The following TTC39A variants were observed in gnomAD, a reference collection of about 807,000 sequenced individuals.
TTC39A encodes tetratricopeptide repeat domain 39A, also known as tetratricopeptide repeat protein 39A.
Under a neutral mutation model 82.3 loss-of-function variants are expected in TTC39A, and 46 were observed. That is an observed-to-expected ratio of 0.56 (90% confidence interval 0.44 to 0.71). TTC39A has a LOEUF of 0.71. TTC39A is among the 30% of genes least tolerant of loss of function. TTC39A has a pLI of 0.00. For synonymous variants in TTC39A, 254 were observed against 275.2 expected, an observed-to-expected ratio of 0.92 and a Z score of 0.76; for missense variants, 543 against 712.9, an observed-to-expected ratio of 0.76 and a Z score of 2.71.
At chr1:51,295,326 T>A (rs1028768483) in intron 13 of TTC39A, among the ~76,000 whole-genome samples, 4 of 152,182 alleles carry the variant, frequency 2.6e-5, no homozygotes, top group African/African-American at 9.7e-5. Context: ...CCTATTATTG[T>A]GACAACAGTA....
intron 11 of TTC39A, 27 bp from the exon 12 acceptor site, chr1:51,301,760 C>A (rs41287292): frequency 1.9e-6 from 3 of 1,591,230 alleles, no homozygotes; most frequent in Non-Finnish European, 2.6e-6. Flanking sequence ...GTCAGCCTGA[C>A]GGGTGCCCAC....
At chr1:51,291,998 G>A (rs1557696237) in intron 14 of TTC39A, among the ~76,000 whole-genome samples, 1 of 152,056 alleles carries the variant, frequency 6.6e-6, no homozygotes, top group Non-Finnish European at 1.5e-5. Context: ...TTCAACACCA[G>A]CTTGGGCAAC....
At chr1:51,303,040 G>A (rs1399350048) in intron 9 of TTC39A, 44 bp downstream of exon 9, 2 of 1,522,462 alleles carry the variant, frequency 1.3e-6, no homozygotes, top group Admixed American at 2.0e-5. Flanking sequence ...TTCCCCCTTG[G>A]AGACGACCAA....
chr1:51,301,881 G>A, intron 11 of TTC39A, 148 bp from the exon 12 acceptor site: 1 of 1,146,954 alleles, frequency 8.7e-7, no homozygotes, highest in Non-Finnish European at 1.2e-6. Flanking sequence ...GGCCCCAGGA[G>A]CCAGGAGATC....
At chr1:51,311,154 T>C (rs1407195917) in intron 5 of TTC39A, 100 bp downstream of exon 5, 6 of 1,144,366 alleles carry the variant, frequency 5.2e-6, no homozygotes, top group Non-Finnish European at 6.2e-6. Context: ...GTGGTTGCTA[T>C]GGGGGATGGG....
chr1:51,309,969 A>G (rs1645022490), intron 5 of TTC39A, among the ~76,000 whole-genome samples: 1 of 152,148 alleles, frequency 6.6e-6, no homozygotes. Context: ...ATATCACAAT[A>G]TGCTGTTCAG....
At chr1:51,337,972 A>G (rs1464408902) in intron 1 of TTC39A, among the ~76,000 whole-genome samples, 2 of 152,162 alleles carry the variant, frequency 1.3e-5, no homozygotes, top group African/African-American at 4.8e-5. Context: ...CTGAGACTCT[A>G]GGGACATGTG....
chr1:51,292,504 C>T (rs1162311379), intron 14 of TTC39A, among the ~76,000 whole-genome samples: 1 of 152,162 alleles, frequency 6.6e-6, no homozygotes, highest in Non-Finnish European at 1.5e-5. Context: ...TATCACAGCT[C>T]ACTGTAGCCT....
upstream of TTC39A, among the ~76,000 whole-genome samples, chr1:51,332,512 T>C (rs537008630): frequency 6.6e-6 from 1 of 152,236 alleles, no homozygotes; most frequent in Non-Finnish European, 1.5e-5. Flanking sequence ...CCGCCTACCT[T>C]GGCCTCCCAC....
intron 2 of TTC39A, among the ~76,000 whole-genome samples, chr1:51,314,025 T>TA (rs1645191588): frequency 1.3e-5 from 2 of 152,182 alleles, no homozygotes. Context: ...CCCCATACTG[T>TA]GGGCACCTCG....
intron 12 of TTC39A, 71 bp downstream of exon 12, chr1:51,301,501 T>A: frequency 6.7e-7 from 1 of 1,501,490 alleles, no homozygotes; most frequent in Non-Finnish European, 9.0e-7. Flanking sequence ...AGTTAGGGAT[T>A]TGGCCCGTGG....
chr1:51,313,003 CT>C (rs1197960926), intron 2 of TTC39A, 60 bp from the exon 3 acceptor site: 1 of 1,575,064 alleles, frequency 6.3e-7, no homozygotes. Context: ...GCAGCTGGTC[CT>C]GGGCAGCTCA....
At chr1:51,291,664 G>A (rs976582424) in intron 14 of TTC39A, among the ~76,000 whole-genome samples, 5 of 147,628 alleles carry the variant, frequency 3.4e-5, no homozygotes, top group Non-Finnish European at 5.9e-5. Context: ...AAATTAGCCA[G>A]GCATGGTGGT....
At chr1:51,328,792 T>C (rs1184794569) in intron 1 of TTC39A, among the ~76,000 whole-genome samples, 1 of 152,230 alleles carries the variant, frequency 6.6e-6, no homozygotes, top group Admixed American at 6.5e-5. Context: ...AAATATTTCA[T>C]AATTTTTAAA....
Position 51,294,245 on chromosome 1 carries a change from G to T in TTC39A, c.1266+146C>A. 1 of 1,333,318 alleles carries T rather than the reference G, an allele frequency of 7.5e-7. No homozygotes were observed. Among genetic ancestry groups the T allele is most frequent in the Non-Finnish European group, 1.0e-6 (1 of 988,982 alleles). 82.6% of individuals were successfully genotyped at this position (1,333,318 alleles called of 1,614,324 possible). ...TCTCTAAGGGGCAGGGGCTGGGCCA[G>T]ACTCCCAGGTGAATTGTGAAACCCT... On this transcript the variant is annotated intron_variant, in intron 14 of 17. Coordinates refer to ENST00000680483, the MANE Select transcript of TTC39A (RefSeq NM_001297663.2). The surrounding 1 kb of genome is among the most constrained non-coding windows in gnomAD (Gnocchi z 4.3).
At chr1:51,308,053 C>T (rs1569873685) in intron 6 of TTC39A, among the ~76,000 whole-genome samples, 1 of 152,262 alleles carries the variant, frequency 6.6e-6, no homozygotes, top group East Asian at 1.9e-4. Flanking sequence ...TATCTGCCTT[C>T]TCTGTGGTGC....
chr1:51,341,176 C>T (rs370253759), intron 1 of TTC39A, among the ~76,000 whole-genome samples: 8 of 139,158 alleles, frequency 5.7e-5, no homozygotes, highest in African/African-American at 1.7e-4. Flanking sequence ...AAAAATAAAC[C>T]GCCCCCCCAC....
At chr1:51,337,367 C>G (rs1005949796) in intron 1 of TTC39A, among the ~76,000 whole-genome samples, 1 of 151,910 alleles carries the variant, frequency 6.6e-6, no homozygotes, top group Admixed American at 6.6e-5. Context: ...TCACCTTCTT[C>G]GGGTCTCAGC....
chr1:51,310,206 C>T (rs1027946324), intron 5 of TTC39A, among the ~76,000 whole-genome samples: 4 of 152,094 alleles, frequency 2.6e-5, no homozygotes, highest in African/African-American at 7.2e-5. Flanking sequence ...CACTGCACTC[C>T]GGCCTGGGCG....
Sources: allele counts gnomAD v4.1 joint callset (sites outside exome capture counted in the v4.1 genomes callset), GRCh38; gene constraint gnomAD v4.1.1; non-coding constraint Gnocchi (gnomAD v3.1); transcripts MANE v1.5; gene names NCBI Gene and HGNC (gene_info 2026-07-23, HGNC 2026-07-21).